FAAH2: variants seen among roughly 807,000 people sequenced by gnomAD.
The protein encoded by FAAH2 is fatty-acid amide hydrolase 2.
A neutral mutation model predicts 36.9 loss-of-function variants in FAAH2; 60 were observed. That is an observed-to-expected ratio of 1.63 (90% CI 1.32 to 2.02). FAAH2 has a LOEUF of 2.02. Among genes scored for constraint, FAAH2 ranks in the 30% most tolerant of loss-of-function variants. The probability of loss-of-function intolerance (pLI) is 0.00; values close to 1 mark genes in which losing one functional copy is unlikely to be tolerated. For missense variants in FAAH2, 689 were observed against 397.5 expected (o/e 1.73, Z -6.23); for synonymous variants, 214 against 143.8 (o/e 1.49, Z -3.49).
the FAAH2 span, among the ~76,000 whole-genome samples, chrX:57,142,232 G>A: frequency 9.0e-6 from 1 of 111,282 alleles, no homozygotes; most frequent in Non-Finnish European, 1.9e-5. Context: ...TTTTGACTTA[G>A]GCATTTATTG....
Position 57,286,820 on chromosome X carries a change from G to T in FAAH2, c.-6G>T. On this transcript the variant is annotated 5_prime_UTR_variant, in exon 1 of 11. Coordinates refer to ENST00000374900, the MANE Select transcript of FAAH2 (RefSeq NM_174912.4). Reference sequence around the variant, plus strand: ...AGCACTAGGACCGTGCGGAATCCAGGCTGCGATGGCACCTTCATTTACCGC... The same window carrying T: ...AGCACTAGGACCGTGCGGAATCCAGTCTGCGATGGCACCTTCATTTACCGC... 1.7e-6 allele frequency: 2 copies of T among 1,174,621 alleles called. No homozygotes were observed. The highest frequency in any genetic ancestry group is 2.3e-6 in the Non-Finnish European group (2 of 875,036).
the FAAH2 span, among the ~76,000 whole-genome samples, chrX:57,257,438 C>T: frequency 9.0e-6 from 1 of 110,701 alleles, no homozygotes; most frequent in African/African-American, 3.3e-5. Flanking sequence ...CAAACTATCA[C>T]AAGATCAGAA....
At chrX:57,169,595 G>T in the FAAH2 span, among the ~76,000 whole-genome samples, 1 of 60,276 alleles carries the variant, frequency 1.7e-5, no homozygotes, top group African/African-American at 7.3e-5. Context: ...TTTAAGATGT[G>T]ACTAAAATAT....
the FAAH2 span, among the ~76,000 whole-genome samples, chrX:57,127,692 T>C: frequency 8.9e-6 from 1 of 111,851 alleles, no homozygotes; most frequent in African/African-American, 3.2e-5. Flanking sequence ...CTATAATGAA[T>C]GAAATAGACC....
At chrX:57,225,730 A>G in the FAAH2 span, among the ~76,000 whole-genome samples, 2 of 111,369 alleles carry the variant, frequency 1.8e-5, no homozygotes, top group Non-Finnish European at 3.8e-5. Context: ...TATTGCTGTC[A>G]GTGGAGTATT....
intron 3 of FAAH2, among the ~76,000 whole-genome samples, chrX:57,328,920 A>G (rs1416818777): frequency 1.8e-5 from 2 of 111,142 alleles, no homozygotes; most frequent in African/African-American, 6.5e-5. Context: ...AAGGTTAGGA[A>G]CCTTCTGGGA....
At chrX:57,203,943 G>T in the FAAH2 span, among the ~76,000 whole-genome samples, 2 of 111,508 alleles carry the variant, frequency 1.8e-5, no homozygotes, top group Non-Finnish European at 3.8e-5. Flanking sequence ...ATCAGTTGAG[G>T]TTGAGGTGCC....
the FAAH2 span, among the ~76,000 whole-genome samples, chrX:57,238,443 G>C: frequency 9.0e-6 from 1 of 111,041 alleles, no homozygotes; most frequent in African/African-American, 3.3e-5. Context: ...GGGGCTAAAT[G>C]ATGAGAACAC....
At chrX:57,265,872 G>C in the FAAH2 span, among the ~76,000 whole-genome samples, 1 of 111,722 alleles carries the variant, frequency 9.0e-6, no homozygotes, top group Admixed American at 9.4e-5. Flanking sequence ...GTGGTTCCCT[G>C]ATCCTGTCCT....
At chrX:57,353,009 C>A (rs1602376761) in intron 5 of FAAH2, among the ~76,000 whole-genome samples, 1 of 110,641 alleles carries the variant, frequency 9.0e-6, no homozygotes, top group Non-Finnish European at 1.9e-5. Context: ...GAATTAATAT[C>A]ATTAAAATGA....
intron 10 of FAAH2, among the ~76,000 whole-genome samples, chrX:57,476,312 A>G (rs944894834): frequency 8.1e-5 from 9 of 111,244 alleles, no homozygotes; most frequent in Non-Finnish European, 1.7e-4. Context: ...TTACCCATTC[A>G]GTATGATATC....
chrX:57,198,078 G>A, the FAAH2 span, among the ~76,000 whole-genome samples: 1 of 111,518 alleles, frequency 9.0e-6, no homozygotes, highest in Non-Finnish European at 1.9e-5. Context: ...CTTGCCCTAA[G>A]GTGGCCTGAA....
At chrX:57,344,841 A>T (rs1569277345) in intron 5 of FAAH2, among the ~76,000 whole-genome samples, 1 of 111,428 alleles carries the variant, frequency 9.0e-6, no homozygotes, top group African/African-American at 3.3e-5. Context: ...TATTGAGATG[A>T]TTATATCTTT....
chrX:57,168,319 ATC>A, the FAAH2 span, among the ~76,000 whole-genome samples: 28 of 110,416 alleles, frequency 2.5e-4, no homozygotes, highest in Non-Finnish European at 4.5e-4. Context: ...TAGTGTGCTC[ATC>A]ACTACTGGAG....
the FAAH2 span, among the ~76,000 whole-genome samples, chrX:57,234,057 T>C: frequency 1.8e-5 from 2 of 113,168 alleles, no homozygotes; most frequent in Admixed American, 9.3e-5. Context: ...TAATGTTTAC[T>C]TCATGCATAT....
chrX:57,388,848 A>T (rs1045684526), intron 7 of FAAH2, among the ~76,000 whole-genome samples: 1 of 110,678 alleles, frequency 9.0e-6, no homozygotes, highest in Non-Finnish European at 1.9e-5. Flanking sequence ...ATATATTTAG[A>T]ATCTAAATTA....
chrX:57,383,879 C>G (rs2054930427), intron 7 of FAAH2, among the ~76,000 whole-genome samples: 1 of 111,478 alleles, frequency 9.0e-6, no homozygotes, highest in Non-Finnish European at 1.9e-5. Flanking sequence ...AATCCTAAAC[C>G]AAAAGAACAA....
intron 3 of FAAH2, among the ~76,000 whole-genome samples, chrX:57,326,610 T>G (rs1446050743): frequency 1.1e-5 from 1 of 94,961 alleles, no homozygotes; most frequent in East Asian, 3.3e-4. Flanking sequence ...TCTTTGTCTC[T>G]TTTGATCTTT....
At chrX:57,292,145 A>G (rs2052003334) in intron 1 of FAAH2, among the ~76,000 whole-genome samples, 1 of 111,474 alleles carries the variant, frequency 9.0e-6, no homozygotes, top group African/African-American at 3.3e-5. Context: ...TTACTGAAAC[A>G]ATATCTATTT....
Sources: allele counts gnomAD v4.1 joint callset (sites outside exome capture counted in the v4.1 genomes callset), GRCh38; gene constraint gnomAD v4.1.1; transcripts MANE v1.5; gene names NCBI Gene and HGNC (gene_info 2026-07-23, HGNC 2026-07-21).